The following UIMC1 variants were observed in gnomAD, a reference collection of about 807,000 sequenced individuals.
The protein encoded by UIMC1 is ubiquitin interaction motif containing 1.
UIMC1 carries 42 observed loss-of-function variants against 84.9 expected under a neutral mutation model. That is an observed-to-expected ratio of 0.49 (90% CI 0.39 to 0.64). The LOEUF (loss-of-function observed/expected upper bound fraction) is 0.64, where lower values mean the gene tolerates loss of function less well. Ranked by LOEUF, UIMC1 falls within the 30% of genes least tolerant of loss-of-function variation. The pLI is 0.00. For missense variants in UIMC1, 825 were observed against 847.6 expected, an observed-to-expected ratio of 0.97 and a Z score of 0.33; for synonymous variants, 281 against 293.0, an observed-to-expected ratio of 0.96 and a Z score of 0.42.
At chr5:177,022,100 G>A (rs1308649542) in intron 1 of UIMC1, among the ~76,000 whole-genome samples, 1 of 152,208 alleles carries the variant, frequency 6.6e-6, no homozygotes, top group Admixed American at 6.5e-5. Context: ...CTAGGCAAGA[G>A]ATGGTGGCTC....
Position 176,943,445 on chromosome 5 carries a change from G to A in UIMC1, c.1487C>T (p.Thr496Ile), listed in dbSNP as rs1296800217. 3.1e-6 allele frequency: 5 copies of A among 1,614,094 alleles called. No individual in the cohort carries two copies. The South Asian group carries it at 3.3e-5, about 11-fold the overall frequency. Residue 496 changes from threonine to isoleucine, a missense_variant, in exon 10 of 15, where the codon ACC (threonine) becomes ATC (isoleucine). Transcript: ENST00000511320. ...GGATACCTGGTTACTGGATGAGAAGGTAGAAATAGCTACTTCCTTCTCAGC... is the reference window on the plus strand; with the variant it reads ...GGATACCTGGTTACTGGATGAGAAGATAGAAATAGCTACTTCCTTCTCAGC... ...EDAEKEVAIS[T>I]FSSSNQVSCP...
chr5:176,923,888 T>TAC (rs1561745050), intron 10 of UIMC1, among the ~76,000 whole-genome samples: 6 of 136,768 alleles, frequency 4.4e-5, no homozygotes, highest in Non-Finnish European at 9.2e-5. Flanking sequence ...TATATATATA[T>TAC]ACACACACAC....
chr5:176,983,934 GA>G (rs1771475856), intron 1 of UIMC1, among the ~76,000 whole-genome samples: 1 of 145,512 alleles, frequency 6.9e-6, no homozygotes, highest in African/African-American at 2.6e-5. Context: ...CCCCATCTGG[GA>G]AGTGAGGAGT....
At chr5:176,975,827 T>A (rs984889763) in intron 2 of UIMC1, among the ~76,000 whole-genome samples, 2 of 152,222 alleles carry the variant, frequency 1.3e-5, no homozygotes, top group African/African-American at 4.8e-5. Flanking sequence ...ACTCAGCGTG[T>A]ATTCATTTAT....
chr5:176,974,420 A>G (rs557658747), intron 3 of UIMC1, among the ~76,000 whole-genome samples: 1 of 152,350 alleles, frequency 6.6e-6, no homozygotes, highest in South Asian at 2.1e-4. Flanking sequence ...TAAATGCTAA[A>G]GCTAAAACTA....
intron 1 of UIMC1, among the ~76,000 whole-genome samples, chr5:176,999,463 A>G (rs1352744048): frequency 1.3e-5 from 2 of 152,094 alleles, no homozygotes; most frequent in East Asian, 3.9e-4. Flanking sequence ...ATTGACTATA[A>G]GTCATCCTAT....
At chr5:176,966,612 TA>T (rs1309042585) in intron 6 of UIMC1, among the ~76,000 whole-genome samples, 2 of 152,190 alleles carry the variant, frequency 1.3e-5, no homozygotes, top group Non-Finnish European at 2.9e-5. Context: ...ATTATTGCTT[TA>T]TAATATTCAA....
chr5:176,953,305 T>C (rs1766130795), intron 8 of UIMC1, among the ~76,000 whole-genome samples: 2 of 152,220 alleles, frequency 1.3e-5, no homozygotes, highest in African/African-American at 4.8e-5. Flanking sequence ...AGTTCTCTGT[T>C]ATCTGACACT....
chr5:176,908,172 A>T (rs1759649126), intron 12 of UIMC1, among the ~76,000 whole-genome samples: 1 of 152,032 alleles, frequency 6.6e-6, no homozygotes, highest in African/African-American at 2.4e-5. Context: ...ATTGAGAGAG[A>T]GAAGGGGGGA....
At chr5:176,950,874 AAAAAG>A (rs1396866701) in intron 9 of UIMC1, among the ~76,000 whole-genome samples, 1 of 152,130 alleles carries the variant, frequency 6.6e-6, no homozygotes, top group Admixed American at 6.5e-5. Context: ...CCATCCCAAA[AAAAAG>A]AAAAGAAAAG....
rs573155516 is a variant in UIMC1 at position 176,906,967 on chromosome 5, G to C, written c.1912+147C>G. On this transcript the variant is annotated intron_variant, in intron 13 of 14. Transcript: ENST00000511320. ...TATTGCCCCAACTTCCTTAAGGAGA[G>C]ATGACCTAGATTGAGTCTCAAAGGC... 6.7e-5 allele frequency: 47 copies of C among 696,574 alleles called. 1 individual carries two copies. In the Middle Eastern group the frequency reaches 2.5e-3, roughly 37 times the overall value. The allele number at this position is 696,574 out of a possible 1,614,324, so 43.1% of individuals were successfully genotyped here.
In UIMC1 at chr5:176,905,080, T is replaced by C. The variant is rs1269112454; in HGVS notation, c.*202A>G. On this transcript the variant is annotated 3_prime_UTR_variant, in exon 15 of 15. Transcript: ENST00000511320. ...TTAAATTTTTTAACTGTAAGTAAAT[T>C]CAAACAAACTGTTATAAAACAGAAT... 8.8e-6 allele frequency: 4 copies of C among 454,248 alleles called. No individual in the cohort carries two copies. Among genetic ancestry groups the C allele is most frequent in the Non-Finnish European group, 7.7e-6 (2 of 260,072 alleles). The allele number at this position is 454,248 out of a possible 1,614,324, so 28.1% of individuals were successfully genotyped here.
intron 14 of UIMC1, 115 bp from the exon 15 acceptor site, chr5:176,905,607 T>G: frequency 1.0e-6 from 1 of 959,224 alleles, no homozygotes. Context: ...CAAATAATCT[T>G]TGTAATAATC....
intron 1 of UIMC1, among the ~76,000 whole-genome samples, chr5:176,984,091 A>G (rs1384959607): frequency 2.5e-5 from 3 of 119,152 alleles, no homozygotes; most frequent in Non-Finnish European, 3.4e-5. Flanking sequence ...CTGGGAAGTG[A>G]GGAGTGCCTC....
chr5:176,919,082 T>C, intron 10 of UIMC1: 1 of 241,570 alleles, frequency 4.1e-6, no homozygotes, highest in South Asian at 3.6e-5. Context: ...GTATCACTAT[T>C]CTTTTTTATT....
chr5:176,936,445 C>T (rs1292744184), intron 10 of UIMC1, among the ~76,000 whole-genome samples: 3 of 152,218 alleles, frequency 2.0e-5, no homozygotes, highest in African/African-American at 7.2e-5. Flanking sequence ...TGTCCCACAA[C>T]CCAGTAATCT....
intron 8 of UIMC1, among the ~76,000 whole-genome samples, chr5:176,955,053 CTAA>C (rs1766422411): frequency 6.6e-6 from 1 of 152,072 alleles, no homozygotes; most frequent in Admixed American, 6.6e-5. Context: ...AGGAATGAGG[CTAA>C]TGATCTTTTC....
At chr5:177,004,899 T>C (rs1005458088) in intron 1 of UIMC1, among the ~76,000 whole-genome samples, 2 of 152,046 alleles carry the variant, frequency 1.3e-5, no homozygotes, top group African/African-American at 4.8e-5. Flanking sequence ...CCTAAATAGG[T>C]ACCTAGCACT....
chr5:177,015,745 GA>G (rs1775655924), intron 1 of UIMC1, among the ~76,000 whole-genome samples: 1 of 152,122 alleles, frequency 6.6e-6, no homozygotes, highest in African/African-American at 2.4e-5. Context: ...GGCATCCCCT[GA>G]AGACACTGCT....
Sources: gnomAD v4.1 joint callset for allele counts (sites outside exome capture counted in the v4.1 genomes callset) on GRCh38, gnomAD v4.1.1 for gene constraint, MANE v1.5 for transcripts, NCBI Gene and HGNC (gene_info 2026-07-23, HGNC 2026-07-21) for gene names.